LAMA4: variants seen among roughly 807,000 people sequenced by gnomAD.
LAMA4 encodes laminin subunit alpha 4.
In LAMA4, 127 loss-of-function variants were observed where a neutral mutation model predicts 207.1. The observed-to-expected ratio is 0.61, with a 90% confidence interval of 0.53 to 0.71. The LOEUF (loss-of-function observed/expected upper bound fraction) is 0.71, where lower values mean the gene tolerates loss of function less well. Ranked by LOEUF, LAMA4 falls within the 30% of genes least tolerant of loss-of-function variation. The pLI is 0.00. For synonymous variants in LAMA4, 761 were observed against 816.0 expected (o/e 0.93, Z 1.15); for missense variants, 2,093 against 2,246.5 (o/e 0.93, Z 1.38).
rs375894002 is a variant in LAMA4 at position 112,139,103 on chromosome 6, C to T, written c.3282+17G>A. 6.2e-7 allele frequency: 1 copy of T among 1,611,808 alleles called. No individual in the cohort carries two copies. The highest frequency in any genetic ancestry group is 1.3e-5 in the African/African-American group (1 of 74,868). ...AGGAAATAAAGGAGAAGTAGTAGGA[C>T]TTGTATTTTTACTCACTCCATTGAC... On this transcript the variant is annotated intron_variant, in intron 24 of 38. Transcript: ENST00000230538.
intron 2 of LAMA4, chr6:112,234,607 A>G (rs1785772240): frequency 6.6e-6 from 1 of 152,168 alleles, no homozygotes; most frequent in Non-Finnish European, 1.5e-5. Flanking sequence ...TGTAATCAAA[A>G]GAAAACCAAC....
In LAMA4 at chr6:112,187,706, T is replaced by C. The variant is rs1294167655; in HGVS notation, c.815-105A>G. On this transcript the variant is annotated intron_variant, in intron 7 of 38. Transcript: ENST00000230538. Reference sequence around the variant, plus strand: ...ATTTCCTTGGTTAATACCATTTTTATTTTTGTCTCATGAAGAGCTGTAATT... The same window carrying C: ...ATTTCCTTGGTTAATACCATTTTTACTTTTGTCTCATGAAGAGCTGTAATT... The C allele has an allele frequency of 4.3e-6, 5 of 1,157,062 alleles. No homozygotes were observed. In the African/African-American group the frequency reaches 4.6e-5, roughly 11 times the overall value. 71.7% of individuals were successfully genotyped at this position (1,157,062 alleles called of 1,614,324 possible).
At position 112,191,495 on chromosome 6, in the gene LAMA4, T is replaced by A. The variant is rs574530323; in HGVS notation, c.718+141A>T. ...ATCCCTGATGGGTTTGGGATGCATA[T>A]TCCTGAGAATGTACATTGCCCTGGG... On this transcript the variant is annotated intron_variant, in intron 6 of 38. Coordinates refer to ENST00000230538, the MANE Select transcript of LAMA4 (RefSeq NM_001105206.3). 9 of 700,748 alleles carry A rather than the reference T, an allele frequency of 1.3e-5. No individual in the cohort carries two copies. In the East Asian group the frequency reaches 2.2e-4, roughly 17 times the overall value. 43.4% of individuals were successfully genotyped at this position (700,748 alleles called of 1,614,324 possible).
intron 2 of LAMA4, chr6:112,253,720 C>T: frequency 6.2e-7 from 1 of 1,602,398 alleles, no homozygotes; most frequent in Non-Finnish European, 8.5e-7. Flanking sequence ...CCAACACATG[C>T]ACTCTCACCC....
Position 112,254,439 on chromosome 6 carries a change from T to A in LAMA4, c.-142+20A>T. On this transcript the variant is annotated intron_variant, in intron 1 of 38. Coordinates refer to ENST00000230538, the MANE Select transcript of LAMA4 (RefSeq NM_001105206.3). ...CCGCAGAGGTTCTGGCTCAAGAACCTACAGATGGACGGAGCTTACAGTACG... is the reference window on the plus strand; with the variant it reads ...CCGCAGAGGTTCTGGCTCAAGAACCAACAGATGGACGGAGCTTACAGTACG... 2.1e-6 allele frequency: 1 copy of A among 485,272 alleles called. No homozygotes were observed. The highest frequency in any genetic ancestry group is 3.8e-5 in the East Asian group (1 of 26,030). 30.1% of individuals were successfully genotyped at this position (485,272 alleles called of 1,614,324 possible).
intron 16 of LAMA4, among the ~76,000 whole-genome samples, chr6:112,154,348 C>T (rs544639383): frequency 1.0e-5 from 1 of 95,872 alleles, no homozygotes; most frequent in Admixed American, 1.3e-4. Flanking sequence ...CTATGTAGAA[C>T]ACAAACTACA....
chr6:112,130,296 A>ATT (rs3220450), intron 29 of LAMA4: 23 of 458,662 alleles, frequency 5.0e-5, no homozygotes, highest in African/African-American at 2.2e-4. Context: ...CATCAGCATT[A>ATT]TTTTTGTGTG....
At chr6:112,188,913 C>T in intron 7 of LAMA4, 197 bp downstream of exon 7, 1 of 581,226 alleles carries the variant, frequency 1.7e-6, no homozygotes, top group Admixed American at 3.0e-5. Flanking sequence ...AAATGTAAAC[C>T]ACCCATTTGC....
chr6:112,181,386 G>T (rs1292654468), intron 9 of LAMA4, among the ~76,000 whole-genome samples: 1 of 152,122 alleles, frequency 6.6e-6, no homozygotes, highest in Non-Finnish European at 1.5e-5. Flanking sequence ...GTTCACGAGC[G>T]TGTTTGGGAA....
rs1583909528 is a variant in LAMA4, at chr6:112,213,772, AG to A, written c.297+2595del. On this transcript the variant is annotated intron_variant, in intron 3 of 38. Coordinates refer to ENST00000230538, the MANE Select transcript of LAMA4 (RefSeq NM_001105206.3). ...AAATTGACATTGGACACTGGAATTGAGGAAGAATTAGAAGCAGTTGAAGGTG... is the reference window on the plus strand; with the variant it reads ...AAATTGACATTGGACACTGGAATTGAGAAGAATTAGAAGCAGTTGAAGGTG... 6 of 358,174 alleles carry A rather than the reference AG, an allele frequency of 1.7e-5. No homozygotes were observed. In the East Asian group the frequency reaches 2.5e-4, roughly 15 times the overall value. The allele number at this position is 358,174 out of a possible 1,614,324, so 22.2% of individuals were successfully genotyped here. A position where few individuals can be genotyped will look rare whatever the true frequency, so the allele number is the denominator to read the frequency against.
intron 2 of LAMA4, among the ~76,000 whole-genome samples, chr6:112,220,930 G>A (rs1554360415): frequency 6.6e-6 from 1 of 152,040 alleles, no homozygotes; most frequent in African/African-American, 2.4e-5. Context: ...CTATCACAGA[G>A]GAGCTAATTA....
At chr6:112,119,904 G>T (rs1449304818) in intron 33 of LAMA4, among the ~76,000 whole-genome samples, 1 of 152,090 alleles carries the variant, frequency 6.6e-6, no homozygotes, top group East Asian at 1.9e-4. Context: ...TCCCACTGTG[G>T]TATCCTATCT....
chr6:112,141,268 ATGTGTG>A, intron 21 of LAMA4, 84 bp downstream of exon 21: 1 of 1,077,812 alleles, frequency 9.3e-7, no homozygotes, highest in African/African-American at 1.6e-5. Context: ...AAGACTGTGT[ATGTGTG>A]TGTGTGTGTG....
intron 3 of LAMA4, among the ~76,000 whole-genome samples, chr6:112,209,889 T>TGGTGGGA (rs1784268145): frequency 6.6e-6 from 1 of 152,176 alleles, no homozygotes; most frequent in Non-Finnish European, 1.5e-5. Context: ...AGGTGGGGCC[T>TGGTGGGA]GGTGGGAGGC....
intron 17 of LAMA4, 115 bp downstream of exon 17, chr6:112,150,396 T>G (rs1554335477): frequency 2.5e-6 from 2 of 814,630 alleles, no homozygotes; most frequent in African/African-American, 3.4e-5. Context: ...CATCAGAAAA[T>G]AACATTTATG....
intron 18 of LAMA4, among the ~76,000 whole-genome samples, chr6:112,146,233 T>C (rs188712968): frequency 3.5e-3 from 530 of 151,022 alleles, no homozygotes; most frequent in Non-Finnish European, 5.6e-3. Context: ...GAGGTTGCAA[T>C]GGGCCAAGAT....
At chr6:112,173,729 T>G (rs1306262540) in intron 11 of LAMA4, among the ~76,000 whole-genome samples, 1 of 152,220 alleles carries the variant, frequency 6.6e-6, no homozygotes, top group African/African-American at 2.4e-5. Flanking sequence ...GTCAGTAATG[T>G]CTTTCTACAG....
At chr6:112,172,245 T>C in intron 12 of LAMA4, 1 of 245,826 alleles carries the variant, frequency 4.1e-6, no homozygotes, top group South Asian at 4.9e-5. Flanking sequence ...TTATCGTGCC[T>C]TTCCAAAAAT....
chr6:112,153,815 G>T, intron 16 of LAMA4, among the ~76,000 whole-genome samples: 1 of 152,202 alleles, frequency 6.6e-6, no homozygotes, highest in Middle Eastern at 3.4e-3. Flanking sequence ...ATAATAATTA[G>T]ACTAGAGAAA....
Sources: allele counts gnomAD v4.1 joint callset (sites outside exome capture counted in the v4.1 genomes callset), GRCh38; gene constraint gnomAD v4.1.1; transcripts MANE v1.5; gene names NCBI Gene and HGNC (gene_info 2026-07-23, HGNC 2026-07-21).